Variants in USF3 observed in about 807,000 individuals in gnomAD.
The protein encoded by USF3 is basic helix-loop-helix domain-containing protein USF3.
A neutral mutation model predicts 157.5 loss-of-function variants in USF3; 29 were observed. The ratio of observed to expected loss-of-function variants is 0.18; its 90% CI spans 0.14 to 0.25. The LOEUF (loss-of-function observed/expected upper bound fraction) is 0.25, where lower values mean the gene tolerates loss of function less well. USF3 is among the 10% of genes least tolerant of loss of function. The pLI is 1.00. For synonymous variants in USF3, 893 were observed against 941.4 expected (o/e 0.95, Z 0.94); for missense variants, 2,381 against 2,667.6 (o/e 0.89, Z 2.37).
At chr3:113,668,484 A>G (rs1707058242) in intron 5 of USF3, among the ~76,000 whole-genome samples, 1 of 152,016 alleles carries the variant, frequency 6.6e-6, no homozygotes, top group South Asian at 2.1e-4. Flanking sequence ...AAAGACAAAT[A>G]CTGATATGTT....
Position 113,660,233 on chromosome 3 carries a change from G to C in USF3, c.1449C>G (p.Ser483=). 1 of 1,614,218 alleles carries C rather than the reference G, an allele frequency of 6.2e-7. No individual in the cohort carries two copies. Among genetic ancestry groups the C allele is most frequent in the Non-Finnish European group, 8.5e-7 (1 of 1,180,044 alleles). The part of the protein sequence containing the change: ...YVATDINLNN[S]FPADGQPVEQ... Reference sequence around the variant, plus strand: ...CAACTGGCTGCCCATCTGCTGGAAAGGAATTATTCAAGTTGATGTCTGTAG... The same window carrying C: ...CAACTGGCTGCCCATCTGCTGGAAACGAATTATTCAAGTTGATGTCTGTAG... The change falls in exon 7 of 7, where the codon TCC becomes TCG. Residue 483 remains serine, a synonymous_variant. Transcript: ENST00000316407.
chr3:113,660,817 T>A lies in USF3; in HGVS notation c.865A>T (p.Asn289Tyr). ...GTCATTTTCTTCAATACTTTGGGGT[T>A]CTCTTGTCCATTCTTATTTTCAGAA... ...NSSENKNGQE[N>Y]PKVLKKMTPC... The change falls in exon 7 of 7, where the codon AAC becomes TAC. Residue 289 changes from asparagine to tyrosine, a missense_variant. By Grantham distance (143) the Asn-to-Tyr change is moderately radical. Around this residue, in one of 6 missense-constraint regions of USF3, gnomAD observed 1,435 missense variants for 1,550.9 expected, o/e 0.93. Coordinates refer to ENST00000316407, the MANE Select transcript of USF3 (RefSeq NM_001009899.4). The A allele has an allele frequency of 3.7e-6, 6 of 1,614,200 alleles. No individual in the cohort carries two copies. The highest frequency in any genetic ancestry group is 5.1e-6 in the Non-Finnish European group (6 of 1,180,042).
At chr3:113,680,699 G>A (rs949624409) in intron 1 of USF3, among the ~76,000 whole-genome samples, 2 of 151,454 alleles carry the variant, frequency 1.3e-5, no homozygotes, top group African/African-American at 4.9e-5. Context: ...GTAATTTAAG[G>A]CTGAGGCAGG....
intron 1 of USF3, among the ~76,000 whole-genome samples, chr3:113,678,665 TAAAG>T (rs1270930485): frequency 6.6e-6 from 1 of 152,226 alleles, no homozygotes; most frequent in African/African-American, 2.4e-5. Context: ...AGCTTATTAA[TAAAG>T]AAATTACATT....
chr3:113,670,393 G>A (rs1707123721), intron 4 of USF3, among the ~76,000 whole-genome samples, 190 bp from the exon 5 acceptor site: 1 of 152,220 alleles, frequency 6.6e-6, no homozygotes, highest in Non-Finnish European at 1.5e-5. Flanking sequence ...GAGGTCAGGA[G>A]TTCGAGACCA....
chr3:113,680,070 T>TTTTTTTTTTC (rs1421604651), intron 1 of USF3, among the ~76,000 whole-genome samples: 1 of 147,350 alleles, frequency 6.8e-6, no homozygotes, highest in Non-Finnish European at 1.5e-5. Flanking sequence ...TTTTTTTTTT[T>TTTTTTTTTTC]TTTTTTTGAT....
In USF3 at chr3:113,649,726, A is replaced by G; in HGVS notation, c.*5218T>C. ...ACAGTTTCAGGTAAAGTGCAGGAAC[A>G]GGGTAGAGGCTACAGGTGGAAAGAT... On this transcript the variant is annotated 3_prime_UTR_variant, in exon 7 of 7. Coordinates refer to ENST00000316407, the MANE Select transcript of USF3 (RefSeq NM_001009899.4). The G allele has an allele frequency of 1.5e-6, 1 of 665,062 alleles. No homozygotes were observed. The highest frequency in any genetic ancestry group is 2.7e-6 in the Non-Finnish European group (1 of 370,416). The allele number at this position is 665,062 out of a possible 1,614,324, so 41.2% of individuals were successfully genotyped here.
chr3:113,695,104 G>A (rs1264508445), intron 1 of USF3, among the ~76,000 whole-genome samples: 1 of 152,206 alleles, frequency 6.6e-6, no homozygotes, highest in Non-Finnish European at 1.5e-5. Flanking sequence ...ATTAAAAGCC[G>A]TCCTTGGACG....
intron 1 of USF3, among the ~76,000 whole-genome samples, chr3:113,689,098 T>C (rs1707628019): frequency 6.6e-6 from 1 of 152,094 alleles, no homozygotes; most frequent in African/African-American, 2.4e-5. Flanking sequence ...ACCTTTCACC[T>C]CACATCAATG....
intron 1 of USF3, among the ~76,000 whole-genome samples, chr3:113,692,647 T>C (rs566449018): frequency 6.6e-6 from 1 of 152,328 alleles, no homozygotes; most frequent in East Asian, 1.9e-4. Context: ...ACTATTTCTG[T>C]ATTCTCTTCA....
intron 1 of USF3, among the ~76,000 whole-genome samples, chr3:113,680,060 T>C (rs997120880): frequency 1.4e-5 from 2 of 144,120 alleles, no homozygotes; most frequent in African/African-American, 5.1e-5. Context: ...TTTCTTTTTT[T>C]TTTTTTTTTT....
At chr3:113,668,340 C>G (rs971713437) in intron 5 of USF3, among the ~76,000 whole-genome samples, 2 of 152,042 alleles carry the variant, frequency 1.3e-5, no homozygotes, top group Admixed American at 1.3e-4. Context: ...CTCTCTAGCC[C>G]CCTAACTCCC....
At chr3:113,687,514 G>A (rs1430483188) in intron 1 of USF3, among the ~76,000 whole-genome samples, 2 of 151,730 alleles carry the variant, frequency 1.3e-5, no homozygotes, top group African/African-American at 4.8e-5. Flanking sequence ...CCCATGTACA[G>A]ACACAGATCT....
At position 113,656,345 on chromosome 3, in the gene USF3, T is replaced by C; in HGVS notation, c.5337A>G (p.Gln1779=). ...GGTCAATTGGTGGGGGGCCAGTGTT[T>C]TGACTAATTCGAAAAGCCTGGGACT... ...SMQSQAFRIS[Q]NTGPPPIDRQ... The change falls in exon 7 of 7, where the codon CAA becomes CAG. Residue 1779 remains glutamine (Q), a synonymous_variant. Coordinates refer to ENST00000316407, the MANE Select transcript of USF3 (RefSeq NM_001009899.4). The C allele has an allele frequency of 6.2e-7, 1 of 1,614,176 alleles. No homozygotes were observed. Among genetic ancestry groups the C allele is most frequent in the Non-Finnish European group, 8.5e-7 (1 of 1,180,036 alleles).
Position 113,655,296 on chromosome 3 carries a change from T to C in USF3, c.6386A>G (p.Tyr2129Cys), listed in dbSNP as rs908248168. 3 of 1,613,936 alleles carry C rather than the reference T, an allele frequency of 1.9e-6. No individual in the cohort carries two copies. The highest frequency in any genetic ancestry group is 1.7e-5 in the Admixed American group (1 of 59,988). ...ATTTGAGAACATCTGATTAGGAAAA[T>C]AGGGGATTGAAATATCATTGGACAG... ...PTLSNDISIP[Y>C]FPNQMFSNPS... Residue 2129 changes from tyrosine to cysteine, a missense_variant, in exon 7 of 7, where the codon TAT (tyrosine) becomes TGT (cysteine). By Grantham distance (194) the Tyr-to-Cys change is radical. Coordinates refer to ENST00000316407, the MANE Select transcript of USF3 (RefSeq NM_001009899.4).
At position 113,654,679 on chromosome 3, in the gene USF3, A is replaced by C; in HGVS notation, c.*265T>G. ...GATCTCCCCCAATTTCCAGCTAATT[A>C]GTATTTAGGAAATATCAACTTGGAA... On this transcript the variant is annotated 3_prime_UTR_variant, in exon 7 of 7. Transcript: ENST00000316407. 1 of 427,588 alleles carries C rather than the reference A, an allele frequency of 2.3e-6. No individual in the cohort carries two copies. The highest frequency in any genetic ancestry group is 4.1e-6 in the Non-Finnish European group (1 of 242,666). The allele number at this position is 427,588 out of a possible 1,614,324, so 26.5% of individuals were successfully genotyped here.
In USF3 at chr3:113,657,529, A is replaced by G; in HGVS notation, c.4153T>C (p.Ser1385Pro). ...VSQIPPNSSN[S>P]VVPVSNPAHG... ...GCTGGGTTGCTAACAGGCACAACTG[A>G]GTTTGAAGAATTAGGAGGGATCTGA... Residue 1385 changes from serine (S) to proline (P), a missense_variant, in exon 7 of 7, where the codon TCA (serine) becomes CCA (proline). Ser to Pro is a moderately conservative substitution (Grantham distance 74, BLOSUM62 -1). Coordinates refer to ENST00000316407, the MANE Select transcript of USF3 (RefSeq NM_001009899.4). The G allele has an allele frequency of 6.2e-7, 1 of 1,614,096 alleles. No homozygotes were observed. Among genetic ancestry groups the G allele is most frequent in the Non-Finnish European group, 8.5e-7 (1 of 1,180,026 alleles).
intron 1 of USF3, among the ~76,000 whole-genome samples, chr3:113,680,066 T>G (rs1707376784): frequency 6.8e-6 from 1 of 146,104 alleles, no homozygotes; most frequent in African/African-American, 2.5e-5. Context: ...TTTTTTTTTT[T>G]TTTTTTTTTT....
chr3:113,656,295 G>A lies in USF3; in HGVS notation c.5387C>T (p.Pro1796Leu). Residue 1796 changes from proline to leucine, a missense_variant, in exon 7 of 7, where the codon CCA becomes CTA. Physicochemically the swap from Pro to Leu is moderately conservative, Grantham distance 98 (BLOSUM62 -3). Around this residue, in one of 6 missense-constraint regions of USF3, gnomAD observed 770 missense variants for 824.2 expected, o/e 0.93. Transcript: ENST00000316407. Reference protein sequence around the residue: ...IDRQKRLSYPPVQSIPTGNGI... With the variant: ...IDRQKRLSYPLVQSIPTGNGI... The stretch of plus-strand genomic sequence containing the variant: ...ATTTCCTGTTGGGATGCTCTGAACT[G>A]GTGGGTAAGATAATCTCTTTTGACG... 1 of 1,614,168 alleles carries A rather than the reference G, an allele frequency of 6.2e-7. No individual in the cohort carries two copies. The highest frequency in any genetic ancestry group is 8.5e-7 in the Non-Finnish European group (1 of 1,180,024).
Sources: gnomAD v4.1 joint callset for allele counts (sites outside exome capture counted in the v4.1 genomes callset) on GRCh38, gnomAD v4.1.1 for gene constraint, gnomAD v4.1.1 regional missense constraint, MANE v1.5 for transcripts, NCBI Gene and HGNC (gene_info 2026-07-23, HGNC 2026-07-21) for gene names.